NMD3: variants seen among roughly 807,000 people sequenced by gnomAD.
NMD3 encodes 60S ribosomal export protein NMD3.
A neutral mutation model predicts 73.1 loss-of-function variants in NMD3; 47 were observed. The ratio of observed to expected loss-of-function variants is 0.64; its 90% CI spans 0.51 to 0.82. The LOEUF (loss-of-function observed/expected upper bound fraction) is 0.82, where lower values mean the gene tolerates loss of function less well. Among genes scored for constraint, NMD3 ranks in the 40% least tolerant of loss-of-function variants. NMD3 has a pLI of 0.00. For missense variants in NMD3, 554 were observed against 612.5 expected (o/e 0.90, Z 1.01); for synonymous variants, 210 against 194.5 (o/e 1.08, Z -0.66).
In NMD3 at chr3:161,238,768, A is replaced by C; in HGVS notation, c.695A>C (p.His232Pro). The C allele has an allele frequency of 6.3e-7, 1 of 1,579,216 alleles. No homozygotes were observed. Residue 232 changes from histidine (H) to proline (P), a missense_variant, in exon 9 of 16, where the codon CAT becomes CCT. Coordinates refer to ENST00000351193, the MANE Select transcript of NMD3 (RefSeq NM_015938.5). The stretch of plus-strand genomic sequence containing the variant: ...CAAAGACTGATCTCTCAAGATATCC[A>C]TAGTAACACATACAATTACAAAAGC... Reference protein sequence around the residue: ...ASQRLISQDIHSNTYNYKSTF... With the variant: ...ASQRLISQDIPSNTYNYKSTF...
In NMD3 at chr3:161,221,991, AAG is replaced by A. The variant is rs1202533541; in HGVS notation, c.-20-1_-20del. Reference sequence around the variant, plus strand: ...TTTTTTTTTTTTTTTTTTTTTTTAAAAGAACTTAAGGCATACAGAACGATGGA... The same window carrying A: ...TTTTTTTTTTTTTTTTTTTTTTTAAAAACTTAAGGCATACAGAACGATGGA... On this transcript the variant is annotated splice_acceptor_variant, in intron 1 of 15. Transcript: ENST00000351193. LOFTEE classifies it low-confidence loss of function (5UTR_SPLICE). 3.9e-6 allele frequency: 5 copies of A among 1,275,802 alleles called. No individual in the cohort carries two copies. The African/African-American group carries it at 9.6e-5, about 25-fold the overall frequency. 79.0% of individuals were successfully genotyped at this position (1,275,802 alleles called of 1,614,324 possible). A position where few individuals can be genotyped will look rare whatever the true frequency, so the allele number is the denominator to read the frequency against.
In NMD3 at chr3:161,243,035, T is replaced by G. The variant is rs138264701; in HGVS notation, c.1017+382T>G. On this transcript the variant is annotated intron_variant, in intron 11 of 15. Transcript: ENST00000351193. ...AGTGTGCATCTCTCACACACAGGAA[T>G]ATTTTTCTACATAATGAAAATGTTG... 3.8e-3 allele frequency among the ~76,000 whole-genome samples: 573 copies of G among 152,286 alleles called. 4 individuals are homozygous for G. Among genetic ancestry groups the G allele is most frequent in the African/African-American group, 0.013 (543 of 41,562 alleles).
intron 7 of NMD3, among the ~76,000 whole-genome samples, chr3:161,235,891 C>T (rs1481616412): frequency 6.6e-6 from 1 of 152,050 alleles, no homozygotes; most frequent in Non-Finnish European, 1.5e-5. Context: ...TATCTTTTCT[C>T]TTTCTACTCA....
chr3:161,250,381 A>G lies in NMD3; in HGVS notation c.1381+55A>G, dbSNP rs190970291. 2.8e-4 allele frequency: 287 copies of G among 1,023,394 alleles called. No individual in the cohort carries two copies. The African/African-American group carries it at 4.1e-3, about 15-fold the overall frequency. 63.4% of individuals were successfully genotyped at this position (1,023,394 alleles called of 1,614,324 possible). ...TGTTCTGTATATAAGTATAGTTCCT[A>G]GTATGAATATTTTGGTATCTTAAGC... is the stretch of plus-strand genomic sequence containing the variant. On this transcript the variant is annotated intron_variant, in intron 15 of 15. Transcript: ENST00000351193.
At chr3:161,240,709 A>G (rs199631834) in intron 9 of NMD3, among the ~76,000 whole-genome samples, 1 of 142,056 alleles carries the variant, frequency 7.0e-6, no homozygotes, top group Non-Finnish European at 1.6e-5. Flanking sequence ...ATATATATAT[A>G]TGTATATGGA....
chr3:161,237,836 ACTTT>A (rs1246143996), intron 7 of NMD3, among the ~76,000 whole-genome samples: 1 of 151,408 alleles, frequency 6.6e-6, no homozygotes, highest in African/African-American at 2.4e-5. Flanking sequence ...CTGTTCATAA[ACTTT>A]CTTTGTTCTT....
downstream of NMD3, chr3:161,252,732 A>G (rs1737538033): frequency 3.1e-6 from 2 of 647,936 alleles, no homozygotes; most frequent in African/African-American, 1.8e-5. Context: ...ATTTATAAAT[A>G]TAATTTACAA....
intron 13 of NMD3, 47 bp from the exon 14 acceptor site, chr3:161,249,407 C>G (rs745357789): frequency 1.6e-6 from 2 of 1,262,600 alleles, no homozygotes; most frequent in South Asian, 2.6e-5. Context: ...TGTGGCCTCA[C>G]TGTATAGTTC....
chr3:161,243,573 T>A (rs1403898903), intron 11 of NMD3, among the ~76,000 whole-genome samples: 1 of 152,194 alleles, frequency 6.6e-6, no homozygotes, highest in Non-Finnish European at 1.5e-5. Context: ...TTTTATTGGT[T>A]ATGATACCAA....
At chr3:161,249,276 A>G (rs1280193079) in intron 13 of NMD3, among the ~76,000 whole-genome samples, 178 bp from the exon 14 acceptor site, 1 of 152,216 alleles carries the variant, frequency 6.6e-6, no homozygotes, top group East Asian at 1.9e-4. Context: ...TCTCATAAAA[A>G]GTTAAATACA....
At chr3:161,237,003 A>G (rs999185958) in intron 7 of NMD3, among the ~76,000 whole-genome samples, 65 of 152,220 alleles carry the variant, frequency 4.3e-4, no homozygotes, top group African/African-American at 1.4e-3. Flanking sequence ...ATTTTCTTCA[A>G]AATTGTTTTG....
At chr3:161,223,344 T>G (rs903297730) in intron 2 of NMD3, among the ~76,000 whole-genome samples, 1 of 152,224 alleles carries the variant, frequency 6.6e-6, no homozygotes, top group Non-Finnish European at 1.5e-5. Context: ...TGTTCTACAT[T>G]AGGGGTTCTC....
At chr3:161,223,379 C>A (rs1736184607) in intron 2 of NMD3, among the ~76,000 whole-genome samples, 2 of 152,026 alleles carry the variant, frequency 1.3e-5, no homozygotes, top group African/African-American at 4.8e-5. Context: ...CCCAGTACAT[C>A]TCGAATTATG....
At chr3:161,243,615 A>G (rs994631768) in intron 11 of NMD3, among the ~76,000 whole-genome samples, 1 of 152,204 alleles carries the variant, frequency 6.6e-6, no homozygotes, top group Non-Finnish European at 1.5e-5. Context: ...TTTATCTTGT[A>G]GAATACTCCA....
chr3:161,250,872 G>A lies in NMD3; in HGVS notation c.1474G>A (p.Asp492Asn). 6.2e-7 allele frequency: 1 copy of A among 1,612,894 alleles called. No individual in the cohort carries two copies. Among genetic ancestry groups the A allele is most frequent in the Non-Finnish European group, 8.5e-7 (1 of 1,179,112 alleles). The change falls in exon 16 of 16, where the codon GAT becomes AAT. Residue 492 changes from aspartate (D) to asparagine (N), a missense_variant. Asp to Asn is a conservative substitution (Grantham distance 23, BLOSUM62 1). Coordinates refer to ENST00000351193, the MANE Select transcript of NMD3 (RefSeq NM_015938.5). ...GCTTGAAGACCTTCATATTTCCCAA[G>A]ATGCCACTGGTGAAGAAGGTGCATC... ...EMLEDLHISQ[D>N]ATGEEGASML...
In NMD3 at chr3:161,251,640, A is replaced by G. The variant is rs1737490507; in HGVS notation, c.*730A>G. The G allele has an allele frequency of 6.6e-6, 1 of 152,190 alleles. No individual in the cohort carries two copies. Among genetic ancestry groups the G allele is most frequent in the South Asian group, 2.1e-4 (1 of 4,830 alleles). The allele number at this position is 152,190 out of a possible 1,614,324, so 9.4% of individuals were successfully genotyped here. Reference sequence around the variant, plus strand: ...TTAGGGCAGTAGCTGCTTTTGTCATAAATATCTTCCTACCACATCAAAAAT... The same window carrying G: ...TTAGGGCAGTAGCTGCTTTTGTCATGAATATCTTCCTACCACATCAAAAAT... On this transcript the variant is annotated 3_prime_UTR_variant, in exon 16 of 16. Transcript: ENST00000351193.
chr3:161,251,181 G>A lies in NMD3; in HGVS notation c.*271G>A, dbSNP rs1328698606. The A allele has an allele frequency of 3.9e-6, 1 of 259,572 alleles. No homozygotes were observed. The highest frequency in any genetic ancestry group is 7.4e-6 in the Non-Finnish European group (1 of 135,136). 16.1% of individuals were successfully genotyped at this position (259,572 alleles called of 1,614,324 possible). ...TTATCACTGTGCTTTTTTATATGAGGCACTGTAGTATTTTCACATAGTATA... is the reference window on the plus strand; with the variant it reads ...TTATCACTGTGCTTTTTTATATGAGACACTGTAGTATTTTCACATAGTATA... On this transcript the variant is annotated 3_prime_UTR_variant, in exon 16 of 16. Coordinates refer to ENST00000351193, the MANE Select transcript of NMD3 (RefSeq NM_015938.5).
Position 161,242,528 on chromosome 3 carries a change from A to G in NMD3, c.892A>G (p.Thr298Ala). 6.2e-7 allele frequency: 1 copy of G among 1,613,268 alleles called. No individual in the cohort carries two copies. The highest frequency in any genetic ancestry group is 8.5e-7 in the Non-Finnish European group (1 of 1,179,536). Residue 298 changes from threonine to alanine, a missense_variant, in exon 11 of 16, where the codon ACT becomes GCT. Transcript: ENST00000351193. The stretch of plus-strand genomic sequence containing the variant: ...TTTAGTGGCAGATATTGATGGGAGC[A>G]CTTTCTGGAGTCACCCTTTCAATAG... ...TLQVADIDGS[T>A]FWSHPFNSLC...
intron 2 of NMD3, among the ~76,000 whole-genome samples, chr3:161,224,572 C>T (rs1311073794): frequency 6.6e-6 from 1 of 152,136 alleles, no homozygotes; most frequent in African/African-American, 2.4e-5. Flanking sequence ...CTCACTGCAA[C>T]TTCCACCTCC....
Sources: gnomAD v4.1 joint callset for allele counts (sites outside exome capture counted in the v4.1 genomes callset) on GRCh38, gnomAD v4.1.1 for gene constraint, MANE v1.5 for transcripts, NCBI Gene and HGNC (gene_info 2026-07-23, HGNC 2026-07-21) for gene names.